Variants in SUPT3H observed in about 807,000 individuals in gnomAD.
SUPT3H encodes the protein transcription initiation protein SPT3 homolog.
Under a neutral mutation model 44.3 loss-of-function variants are expected in SUPT3H, and 44 were observed. The ratio of observed to expected loss-of-function variants is 0.99; its 90% CI spans 0.78 to 1.28. The LOEUF is 1.28. Ranked by LOEUF, SUPT3H falls within the 50% of genes most tolerant of loss-of-function variation. The probability of loss-of-function intolerance (pLI) is 0.00; values close to 1 mark genes in which losing one functional copy is unlikely to be tolerated. For synonymous variants in SUPT3H, 124 were observed against 125.6 expected (o/e 0.99, Z 0.09); for missense variants, 380 against 387.1 (o/e 0.98, Z 0.15).
intron 2 of SUPT3H, among the ~76,000 whole-genome samples, chr6:45,304,964 A>G (rs1444610022): frequency 2.0e-5 from 3 of 152,200 alleles, no homozygotes; most frequent in East Asian, 3.8e-4. Context: ...CAAGAACACC[A>G]TGGCCTGATC....
chr6:44,969,360 G>A (rs950923242), intron 6 of SUPT3H, among the ~76,000 whole-genome samples: 3 of 152,020 alleles, frequency 2.0e-5, no homozygotes, highest in Non-Finnish European at 4.4e-5. Context: ...TATCTCTGGA[G>A]GTGAAATTAT....
At chr6:44,948,924 A>G (rs956279135) in intron 9 of SUPT3H, among the ~76,000 whole-genome samples, 1 of 152,212 alleles carries the variant, frequency 6.6e-6, no homozygotes, top group Non-Finnish European at 1.5e-5. Context: ...TTATGTTGCT[A>G]TAAAGACACA....
intron 9 of SUPT3H, among the ~76,000 whole-genome samples, chr6:44,934,003 G>GTA (rs1771009055): frequency 6.6e-6 from 1 of 152,190 alleles, no homozygotes. Context: ...TTACTTCAAA[G>GTA]TATAGTAGGT....
chr6:45,065,007 AT>A (rs1226076449), intron 3 of SUPT3H, among the ~76,000 whole-genome samples: 3 of 150,970 alleles, frequency 2.0e-5, no homozygotes, highest in Non-Finnish European at 4.4e-5. Flanking sequence ...CAGAATATAC[AT>A]TTTTTTCAGC....
At chr6:45,025,103 T>G (rs1007501708) in intron 3 of SUPT3H, among the ~76,000 whole-genome samples, 1 of 152,194 alleles carries the variant, frequency 6.6e-6, no homozygotes, top group African/African-American at 2.4e-5. Context: ...CACACAGGTG[T>G]GCACACTCAC....
rs777498544 is a variant in SUPT3H at position 44,932,648 on chromosome 6, C to T, written c.912+5G>A. On this transcript the variant is annotated splice_donor_5th_base_variant and intron_variant, in intron 10 of 10. Transcript: ENST00000371459. ...ATAACTTTTTATAACTCTGTTATTA[C>T]GTACTGTGAATGGGGAAAGTGGGCC... The T allele has an allele frequency of 6.3e-6, 10 of 1,589,356 alleles. No homozygotes were observed. In the East Asian group the frequency reaches 6.8e-5, roughly 11 times the overall value.
chr6:44,876,945 G>A (rs1026032046), intron 10 of SUPT3H, among the ~76,000 whole-genome samples: 1 of 151,962 alleles, frequency 6.6e-6, no homozygotes, highest in Admixed American at 6.6e-5. Flanking sequence ...CTTAAATGCT[G>A]ATGTTTGTAA....
At chr6:45,152,158 T>TA (rs1430499327) in intron 2 of SUPT3H, among the ~76,000 whole-genome samples, 1 of 152,084 alleles carries the variant, frequency 6.6e-6, no homozygotes, top group African/African-American at 2.4e-5. Context: ...CACCCAAAAT[T>TA]AAGAAGAAAA....
intron 2 of SUPT3H, chr6:45,328,783 G>T: frequency 6.2e-7 from 1 of 1,611,794 alleles, no homozygotes; most frequent in South Asian, 1.1e-5. Flanking sequence ...ACTTCTTTTG[G>T]GGTAAGTGTT....
intron 2 of SUPT3H, among the ~76,000 whole-genome samples, chr6:45,205,202 CA>C (rs893802768): frequency 2.0e-5 from 3 of 152,074 alleles, no homozygotes; most frequent in African/African-American, 7.2e-5. Context: ...TTAGTTTTCT[CA>C]AAAGTACATT....
chr6:44,826,795 CTTGT>C lies in SUPT3H; in HGVS notation c.*3017_*3020del, dbSNP rs543982097. Among the ~76,000 whole-genome samples, 1,360 of 152,220 alleles carry C rather than the reference CTTGT, an allele frequency of 8.9e-3. 14 individuals carry two copies. The highest frequency in any genetic ancestry group is 0.026 in the South Asian group (126 of 4,826). ...TACATGGTAAAAGCATCAGACATGG[CTTGT>C]TTATTATTTTATAAAAACAAAGAAC... On this transcript the variant is annotated 3_prime_UTR_variant, in exon 11 of 11. Coordinates refer to ENST00000371459, the MANE Select transcript of SUPT3H (RefSeq NM_003599.4).
intron 2 of SUPT3H, among the ~76,000 whole-genome samples, chr6:45,137,201 GA>G (rs1225016119): frequency 6.6e-6 from 1 of 151,934 alleles, no homozygotes; most frequent in African/African-American, 2.4e-5. Flanking sequence ...TAAAAGAAAA[GA>G]AAAAGCCTGA....
At position 44,968,391 on chromosome 6, in the gene SUPT3H, G is replaced by A. The variant is rs73735288; in HGVS notation, c.505-6563C>T. On this transcript the variant is annotated intron_variant, in intron 6 of 10. Coordinates refer to ENST00000371459, the MANE Select transcript of SUPT3H (RefSeq NM_003599.4). ...AAGTCAGTAAATACCACAAAATGCC[G>A]AAGAAACCATATCTCTAACTCACTG... Among the ~76,000 whole-genome samples the A allele has an allele frequency of 8.7e-3, 1,320 of 152,204 alleles. 24 individuals carry two copies. Among genetic ancestry groups the A allele is most frequent in the African/African-American group, 0.03 (1,242 of 41,502 alleles).
intron 2 of SUPT3H, among the ~76,000 whole-genome samples, chr6:45,195,269 G>A (rs1204975323): frequency 1.3e-5 from 2 of 152,152 alleles, no homozygotes; most frequent in Non-Finnish European, 2.9e-5. Context: ...TACAGAAAAA[G>A]AGAGCAATGA....
intron 3 of SUPT3H, among the ~76,000 whole-genome samples, chr6:45,076,332 T>C (rs1382242740): frequency 6.6e-6 from 1 of 152,196 alleles, no homozygotes; most frequent in Non-Finnish European, 1.5e-5. Context: ...GTATAAAATA[T>C]GAACTATGCA....
intron 2 of SUPT3H, among the ~76,000 whole-genome samples, chr6:45,301,065 G>A (rs1782075666): frequency 6.6e-6 from 1 of 152,146 alleles, no homozygotes; most frequent in South Asian, 2.1e-4. Flanking sequence ...TACCCCCTGG[G>A]AAAGTGGGAA....
At chr6:45,226,719 C>T (rs1476546964) in intron 2 of SUPT3H, among the ~76,000 whole-genome samples, 1 of 152,054 alleles carries the variant, frequency 6.6e-6, no homozygotes, top group Non-Finnish European at 1.5e-5. Context: ...TTAGTAGAGA[C>T]GGGGTTTCAC....
chr6:45,251,011 A>C (rs4330533), intron 2 of SUPT3H: 2 of 152,064 alleles, frequency 1.3e-5, no homozygotes, highest in African/African-American at 2.4e-5. Context: ...GTTCTCGCTA[A>C]GTTGCTCAGG....
At chr6:45,053,339 G>A (rs952379584) in intron 3 of SUPT3H, among the ~76,000 whole-genome samples, 5 of 151,802 alleles carry the variant, frequency 3.3e-5, no homozygotes, top group African/African-American at 1.2e-4. Flanking sequence ...AGCAATTGGT[G>A]GCAAGTAATC....
Sources: gnomAD v4.1 joint callset for allele counts (sites outside exome capture counted in the v4.1 genomes callset) on GRCh38, gnomAD v4.1.1 for gene constraint, MANE v1.5 for transcripts, NCBI Gene and HGNC (gene_info 2026-07-23, HGNC 2026-07-21) for gene names.